DLG2: variants seen among roughly 807,000 people sequenced by gnomAD.
DLG2 encodes disks large homolog 2.
A neutral mutation model predicts 132.5 loss-of-function variants in DLG2; 45 were observed. The ratio of observed to expected loss-of-function variants is 0.34; its 90% CI spans 0.27 to 0.44. DLG2 has a LOEUF of 0.44. Ranked by LOEUF, DLG2 falls within the 20% of genes least tolerant of loss-of-function variation. The pLI, the probability that DLG2 is intolerant of heterozygous loss-of-function variation, is 1.00. For synonymous variants in DLG2, 424 were observed against 419.6 expected (o/e 1.01, Z -0.13); for missense variants, 1,045 against 1,196.9 (o/e 0.87, Z 1.87).
intron 6 of DLG2, among the ~76,000 whole-genome samples, chr11:84,542,297 T>G (rs1320387137): frequency 6.6e-6 from 1 of 152,158 alleles, no homozygotes; most frequent in Non-Finnish European, 1.5e-5. Flanking sequence ...ATTATCCCAC[T>G]TAAGGCTGAT....
intron 3 of DLG2, among the ~76,000 whole-genome samples, chr11:85,507,014 T>C (rs935091186): frequency 1.3e-5 from 2 of 152,206 alleles, no homozygotes; most frequent in Non-Finnish European, 2.9e-5. Context: ...AAGTCTGTTT[T>C]ATCAGACTGG....
At chr11:85,502,247 A>G (rs1194181338) in intron 3 of DLG2, among the ~76,000 whole-genome samples, 1 of 152,052 alleles carries the variant, frequency 6.6e-6, no homozygotes, top group African/African-American at 2.4e-5. Context: ...GGAGGGGAAC[A>G]TCACACACCA....
chr11:85,083,555 G>T (rs2067521920), intron 6 of DLG2, among the ~76,000 whole-genome samples: 2 of 152,182 alleles, frequency 1.3e-5, no homozygotes, highest in Admixed American at 1.3e-4. Flanking sequence ...GGGAACATGA[G>T]ACATTAATCA....
intron 19 of DLG2, among the ~76,000 whole-genome samples, chr11:83,630,705 G>A (rs182079883): frequency 7.2e-5 from 11 of 152,240 alleles, no homozygotes; most frequent in African/African-American, 2.6e-4. Flanking sequence ...AGTGATGTGG[G>A]GAGAAGTATG....
At chr11:83,700,376 G>A (rs1339663072) in intron 18 of DLG2, among the ~76,000 whole-genome samples, 1 of 152,146 alleles carries the variant, frequency 6.6e-6, no homozygotes, top group East Asian at 1.9e-4. Context: ...GACTTAAGGA[G>A]CAAAGAGGCT....
intron 3 of DLG2, among the ~76,000 whole-genome samples, chr11:85,290,648 T>C (rs1248455507): frequency 1.3e-5 from 2 of 152,110 alleles, no homozygotes; most frequent in Non-Finnish European, 2.9e-5. Flanking sequence ...TGGATATTAT[T>C]GACTAAACTG....
rs1354748747 is a variant in DLG2 at position 84,911,826 on chromosome 11, T to C, written c.357+199835A>G. On this transcript the variant is annotated intron_variant, in intron 6 of 27. Coordinates refer to ENST00000376104, the MANE Select transcript of DLG2 (RefSeq NM_001142699.3). Reference sequence around the variant, plus strand: ...CCAAAGAAACAATTAATGCAAACTTTGTGATTGCTTTCCCAAGCAATTTGG... The same window carrying C: ...CCAAAGAAACAATTAATGCAAACTTCGTGATTGCTTTCCCAAGCAATTTGG... 7.9e-5 allele frequency among the ~76,000 whole-genome samples: 12 copies of C among 152,304 alleles called. No individual in the cohort carries two copies. The East Asian group carries it at 2.3e-3, about 29-fold the overall frequency.
chr11:85,389,377 T>C (rs758860566), intron 3 of DLG2, among the ~76,000 whole-genome samples: 6 of 152,172 alleles, frequency 3.9e-5, no homozygotes, highest in Non-Finnish European at 1.5e-5. Flanking sequence ...CGACCAAACC[T>C]AAGAATAACT....
At chr11:84,277,259 C>T (rs1055315655) in intron 7 of DLG2, among the ~76,000 whole-genome samples, 4 of 152,218 alleles carry the variant, frequency 2.6e-5, no homozygotes, top group Non-Finnish European at 5.9e-5. Flanking sequence ...TTTTACTCCA[C>T]AACAGCAAAA....
intron 3 of DLG2, among the ~76,000 whole-genome samples, chr11:85,380,231 T>C (rs1195902414): frequency 2.0e-5 from 3 of 152,238 alleles, no homozygotes; most frequent in African/African-American, 4.8e-5. Flanking sequence ...TCCAGTGGTA[T>C]ACAACAATGT....
At chr11:85,039,852 CT>C (rs995588374) in intron 6 of DLG2, among the ~76,000 whole-genome samples, 4 of 151,838 alleles carry the variant, frequency 2.6e-5, no homozygotes, top group Non-Finnish European at 4.4e-5. Context: ...TGGTAAGACT[CT>C]TTAAATTTTG....
Position 84,019,892 on chromosome 11 carries a change from T to C in DLG2, c.920-39250A>G, listed in dbSNP as rs549984630. The stretch of plus-strand genomic sequence containing the variant: ...ATCTCAGACTTGTACCCTCCAGAAG[T>C]ATGAGACACAAACTTTGTTGTTTAA... On this transcript the variant is annotated intron_variant, in intron 11 of 27. Coordinates refer to ENST00000376104, the MANE Select transcript of DLG2 (RefSeq NM_001142699.3). Among the ~76,000 whole-genome samples, 12 of 152,196 alleles carry C rather than the reference T, an allele frequency of 7.9e-5. No homozygotes were observed. The South Asian group carries it at 2.1e-3, about 26-fold the overall frequency.
At chr11:85,055,483 C>A (rs1032025811) in intron 6 of DLG2, among the ~76,000 whole-genome samples, 1 of 152,162 alleles carries the variant, frequency 6.6e-6, no homozygotes. Flanking sequence ...CTGTTAGAAG[C>A]TAGTGCTAAG....
At chr11:84,957,399 T>G (rs2051855046) in intron 6 of DLG2, among the ~76,000 whole-genome samples, 1 of 152,242 alleles carries the variant, frequency 6.6e-6, no homozygotes, top group Non-Finnish European at 1.5e-5. Context: ...TATGTGATAT[T>G]TAAAGATAAA....
chr11:85,238,721 C>T (rs1355751455), intron 4 of DLG2, among the ~76,000 whole-genome samples: 1 of 152,016 alleles, frequency 6.6e-6, no homozygotes, highest in Admixed American at 6.6e-5. Context: ...AGCAGTCCTG[C>T]ACCTACATAA....
chr11:84,723,030 A>G lies in DLG2; in HGVS notation c.358-188299T>C, dbSNP rs533315146. 2.0e-5 allele frequency among the ~76,000 whole-genome samples: 3 copies of G among 152,312 alleles called. No homozygotes were observed. In the East Asian group the frequency reaches 5.8e-4, roughly 29 times the overall value. On this transcript the variant is annotated intron_variant, in intron 6 of 27. Coordinates refer to ENST00000376104, the MANE Select transcript of DLG2 (RefSeq NM_001142699.3). ...ATATCCTTTACCATTTTATTCCTTT[A>G]TGTTAGCATAAAAAGTGTGATTGTG...
chr11:84,272,003 C>T (rs2097730623), intron 7 of DLG2: 1 of 138,478 alleles, frequency 7.2e-6, no homozygotes, highest in African/African-American at 2.7e-5. Flanking sequence ...ATAGGAGAAG[C>T]AAACTATACT....
At chr11:84,708,695 A>AT (rs2060041415) in intron 6 of DLG2, among the ~76,000 whole-genome samples, 1 of 151,868 alleles carries the variant, frequency 6.6e-6, no homozygotes, top group Non-Finnish European at 1.5e-5. Context: ...ACCTGTCAGC[A>AT]TTTTTATTAT....
At chr11:84,521,997 G>A (rs779991705) in intron 7 of DLG2, among the ~76,000 whole-genome samples, 4 of 151,536 alleles carry the variant, frequency 2.6e-5, no homozygotes, top group Admixed American at 6.6e-5. Context: ...CCCGTCTCTA[G>A]TCTCTACTAA....
Sources: gnomAD v4.1 joint callset for allele counts (sites outside exome capture counted in the v4.1 genomes callset) on GRCh38, gnomAD v4.1.1 for gene constraint, MANE v1.5 for transcripts, NCBI Gene and HGNC (gene_info 2026-07-23, HGNC 2026-07-21) for gene names.